The following TFEC variants were observed in gnomAD, a reference collection of about 807,000 sequenced individuals.
TFEC encodes class E basic helix-loop-helix protein 34.
In TFEC, 31 loss-of-function variants were observed where a neutral mutation model predicts 41.6. The observed-to-expected ratio is 0.74, with a 90% CI of 0.56 to 1.01. TFEC has a LOEUF of 1.01. Ranked by LOEUF, TFEC falls within the 50% of genes least tolerant of loss-of-function variation. TFEC has a pLI of 0.00. For synonymous variants in TFEC, 143 were observed against 140.6 expected (o/e 1.02, Z -0.12); for missense variants, 402 against 404.1 (o/e 0.99, Z 0.04).
chr7:116,120,382 C>T (rs1798085355), intron 1 of TFEC: 1 of 151,990 alleles, frequency 6.6e-6, no homozygotes, highest in Admixed American at 6.6e-5. Flanking sequence ...TGAAAAGTCA[C>T]TAGTTCAGTC....
chr7:116,109,039 G>T (rs909708913), intron 3 of TFEC, among the ~76,000 whole-genome samples: 14 of 152,018 alleles, frequency 9.2e-5, no homozygotes, highest in African/African-American at 3.4e-4. Flanking sequence ...GCTGAAACTG[G>T]ATCCCTTCCT....
At chr7:116,029,761 T>C (rs1230978615) in intron 1 of TFEC, among the ~76,000 whole-genome samples, 1 of 152,058 alleles carries the variant, frequency 6.6e-6, no homozygotes, top group Non-Finnish European at 1.5e-5. Context: ...TTAAAGTTTC[T>C]ACTACAACTC....
intron 1 of TFEC, among the ~76,000 whole-genome samples, chr7:116,144,463 A>T (rs1243775313): frequency 6.6e-6 from 1 of 152,164 alleles, no homozygotes; most frequent in Non-Finnish European, 1.5e-5. Context: ...TGTTTGGTCA[A>T]ACACGGTCTA....
At chr7:115,968,747 C>T (rs967780277) in intron 3 of TFEC, among the ~76,000 whole-genome samples, 6 of 151,754 alleles carry the variant, frequency 4.0e-5, no homozygotes, top group East Asian at 1.9e-4. Context: ...TCCCTGAGAC[C>T]GCTGGCACAG....
chr7:115,990,349 C>T, intron 1 of TFEC, among the ~76,000 whole-genome samples: 1 of 152,306 alleles, frequency 6.6e-6, no homozygotes. Context: ...GGCTCCTCAC[C>T]AGCAACGGAA....
chr7:116,021,054 G>A (rs1795376062), intron 1 of TFEC, among the ~76,000 whole-genome samples: 1 of 151,966 alleles, frequency 6.6e-6, no homozygotes, highest in African/African-American at 2.4e-5. Flanking sequence ...CCATCCTTAT[G>A]GTGTTATTTT....
intron 5 of TFEC, 71 bp downstream of exon 5, chr7:115,954,515 A>C: frequency 3.1e-6 from 4 of 1,298,656 alleles, no homozygotes; most frequent in Non-Finnish European, 4.2e-6. Context: ...GGAGTATAAT[A>C]AAAGACCACA....
chr7:116,139,954 C>T (rs1798508015), intron 1 of TFEC, among the ~76,000 whole-genome samples: 2 of 152,098 alleles, frequency 1.3e-5, no homozygotes, highest in African/African-American at 2.4e-5. Context: ...TGCAGATGTC[C>T]AAGAGACATA....
chr7:116,074,113 C>A lies in TFEC; in HGVS notation c.198+36595G>T, dbSNP rs911447295. On this transcript the variant is annotated intron_variant, in intron 3 of 8. Coordinates refer to the TFEC transcript ENST00000484212. Reference sequence around the variant, plus strand: ...TCATAAGATCTAAAACTATAAAATTCTTAAAAGAAAACATATATATGCTTA... The same window carrying A: ...TCATAAGATCTAAAACTATAAAATTATTAAAAGAAAACATATATATGCTTA... 2.6e-5 allele frequency among the ~76,000 whole-genome samples: 4 copies of A among 151,444 alleles called. No homozygotes were observed. In the East Asian group the frequency reaches 7.7e-4, roughly 29 times the overall value.
At chr7:116,135,451 A>G (rs1584558396) in intron 1 of TFEC, among the ~76,000 whole-genome samples, 1 of 152,244 alleles carries the variant, frequency 6.6e-6, no homozygotes, top group African/African-American at 2.4e-5. Flanking sequence ...CTGAAAAGCA[A>G]TGTCACACTC....
At chr7:116,043,247 T>C (rs1796082815) in intron 3 of TFEC, among the ~76,000 whole-genome samples, 1 of 152,164 alleles carries the variant, frequency 6.6e-6, no homozygotes. Flanking sequence ...CCTGGAAGAA[T>C]ACTCCACTCT....
At chr7:116,063,754 T>C (rs1796627569) in intron 3 of TFEC, among the ~76,000 whole-genome samples, 1 of 152,224 alleles carries the variant, frequency 6.6e-6, no homozygotes, top group African/African-American at 2.4e-5. Context: ...GGTTCATCCA[T>C]GTTTTTACAA....
At chr7:116,004,170 A>C (rs1027633924) in intron 1 of TFEC, among the ~76,000 whole-genome samples, 6 of 152,032 alleles carry the variant, frequency 3.9e-5, no homozygotes, top group African/African-American at 1.5e-4. Context: ...ATCAATAAAG[A>C]AAGTTAACTA....
chr7:115,968,272 A>G, intron 3 of TFEC: 1 of 1,527,186 alleles, frequency 6.5e-7, no homozygotes, highest in South Asian at 1.2e-5. Flanking sequence ...TAAACTTGCA[A>G]ACAATAACCA....
At chr7:115,963,221 C>T (rs1792660596) in intron 3 of TFEC, among the ~76,000 whole-genome samples, 1 of 151,756 alleles carries the variant, frequency 6.6e-6, no homozygotes, top group Non-Finnish European at 1.5e-5. Flanking sequence ...CCAATAAGCA[C>T]ATGAAAAGAT....
At chr7:116,066,673 T>C (rs1021032226) in intron 3 of TFEC, among the ~76,000 whole-genome samples, 2 of 152,122 alleles carry the variant, frequency 1.3e-5, no homozygotes, top group African/African-American at 4.8e-5. Flanking sequence ...CAAGTTGTAA[T>C]TGTTTTCATG....
intron 1 of TFEC, among the ~76,000 whole-genome samples, chr7:115,993,525 C>A (rs1794220140): frequency 6.6e-6 from 1 of 152,196 alleles, no homozygotes; most frequent in Non-Finnish European, 1.5e-5. Flanking sequence ...GATATAAAAT[C>A]AATGTACAAA....
chr7:116,045,261 G>A (rs562527398), intron 3 of TFEC, among the ~76,000 whole-genome samples: 2 of 152,328 alleles, frequency 1.3e-5, no homozygotes, highest in Admixed American at 6.5e-5. Context: ...TTGGGAAATG[G>A]AGCAAAGGTG....
At chr7:116,026,509 C>T (rs1018769378) in intron 1 of TFEC, among the ~76,000 whole-genome samples, 5 of 152,170 alleles carry the variant, frequency 3.3e-5, no homozygotes, top group Admixed American at 2.0e-4. Context: ...TACTTGTACA[C>T]CTCCATCTTA....
Sources: allele counts gnomAD v4.1 joint callset (sites outside exome capture counted in the v4.1 genomes callset), GRCh38; gene constraint gnomAD v4.1.1; transcripts MANE v1.5; gene names NCBI Gene and HGNC (gene_info 2026-07-23, HGNC 2026-07-21).